Variants in PPARGC1A observed in about 807,000 individuals in gnomAD.
The protein encoded by PPARGC1A is PPARG coactivator 1 alpha.
Under a neutral mutation model 88.7 loss-of-function variants are expected in PPARGC1A, and 25 were observed. The ratio of observed to expected loss-of-function variants is 0.28; its 90% CI spans 0.21 to 0.39. PPARGC1A has a LOEUF of 0.39. PPARGC1A is among the 10% of genes least tolerant of loss of function. The pLI is 1.00. For missense variants in PPARGC1A, 880 were observed against 968.7 expected (o/e 0.91, Z 1.22); for synonymous variants, 363 against 355.6 (o/e 1.02, Z -0.24).
chr4:23,872,225 C>G (rs934644303), intron 2 of PPARGC1A, among the ~76,000 whole-genome samples: 1 of 152,202 alleles, frequency 6.6e-6, no homozygotes, highest in African/African-American at 2.4e-5. Context: ...ACCAAGGGCA[C>G]AGCACTCTGG....
chr4:23,852,261 G>T (rs1577513092), intron 2 of PPARGC1A, among the ~76,000 whole-genome samples: 1 of 152,162 alleles, frequency 6.6e-6, no homozygotes, highest in South Asian at 2.1e-4. Flanking sequence ...GCCTACAAAA[G>T]GTTTTTAAAC....
chr4:23,904,863 T>C (rs1719851804), upstream of PPARGC1A, among the ~76,000 whole-genome samples: 1 of 152,192 alleles, frequency 6.6e-6, no homozygotes, highest in East Asian at 1.9e-4. Flanking sequence ...CAGCTTCTAT[T>C]TCCCTTTCTG....
chr4:24,379,360 C>T, the PPARGC1A span, among the ~76,000 whole-genome samples: 12 of 151,914 alleles, frequency 7.9e-5, no homozygotes, highest in African/African-American at 2.7e-4. Context: ...TAAGTTCTAA[C>T]GTTGGATAGC....
intron 7 of PPARGC1A, 149 bp downstream of exon 7, chr4:23,824,131 C>G (rs888664641): frequency 1.5e-6 from 1 of 651,208 alleles, no homozygotes; most frequent in Middle Eastern, 3.9e-4. Context: ...AAATAAACAA[C>G]TGGAAATATT....
At chr4:23,907,639 G>A (rs766895532), upstream of PPARGC1A, among the ~76,000 whole-genome samples, 1 of 152,112 alleles carries the variant, frequency 6.6e-6, no homozygotes, top group Non-Finnish European at 1.5e-5. Context: ...CTAAACATGG[G>A]AATTCAAGAG....
At chr4:24,079,259 G>T in the PPARGC1A span, among the ~76,000 whole-genome samples, 1 of 152,014 alleles carries the variant, frequency 6.6e-6, no homozygotes, top group Non-Finnish European at 1.5e-5. Flanking sequence ...CCTCAAAGAA[G>T]AGTCAGTAGT....
chr4:23,820,749 C>A lies in PPARGC1A; in HGVS notation c.877+3531G>T, dbSNP rs376524552. The A allele has an allele frequency of 1.2e-4, 26 of 223,326 alleles. 1 individual carries two copies. In the South Asian group the frequency reaches 1.3e-3, roughly 11 times the overall value. The allele number at this position is 223,326 out of a possible 1,614,324, so 13.8% of individuals were successfully genotyped here. A position where few individuals can be genotyped will look rare whatever the true frequency, so the allele number is the denominator to read the frequency against. On this transcript the variant is annotated intron_variant, in intron 7 of 12. Coordinates refer to ENST00000264867, the MANE Select transcript of PPARGC1A (RefSeq NM_013261.5). ...ATAAAGCAAACTTCCTATCTCATCC[C>A]TCCTGTTTCTCAAAGACACTGCAGA...
the PPARGC1A span, among the ~76,000 whole-genome samples, chr4:24,320,577 A>G: frequency 6.6e-6 from 1 of 152,248 alleles, no homozygotes; most frequent in Non-Finnish European, 1.5e-5. Context: ...ACTTGAAAAT[A>G]CAGTATTTTA....
At chr4:23,909,631 C>G in the PPARGC1A span, among the ~76,000 whole-genome samples, 2 of 151,936 alleles carry the variant, frequency 1.3e-5, no homozygotes, top group Admixed American at 6.5e-5. Context: ...GAGGGAGAGA[C>G]AGCATTCCCT....
the PPARGC1A span, among the ~76,000 whole-genome samples, chr4:24,131,978 A>G: frequency 6.6e-6 from 1 of 152,234 alleles, no homozygotes; most frequent in Non-Finnish European, 1.5e-5. Context: ...ATGAACCCAT[A>G]TTTATGTTAA....
chr4:24,181,673 T>C, the PPARGC1A span, among the ~76,000 whole-genome samples: 2 of 152,106 alleles, frequency 1.3e-5, no homozygotes, highest in Non-Finnish European at 2.9e-5. Context: ...CCTCATACAG[T>C]AGATGTCAGA....
At chr4:23,906,671 A>C (rs1268334741), upstream of PPARGC1A, among the ~76,000 whole-genome samples, 1 of 152,088 alleles carries the variant, frequency 6.6e-6, no homozygotes, top group African/African-American at 2.4e-5. Flanking sequence ...TGAAGTACAT[A>C]CAGTATGTTT....
At chr4:24,295,693 ATACAT>A in the PPARGC1A span, among the ~76,000 whole-genome samples, 142 of 150,110 alleles carry the variant, frequency 9.5e-4, no homozygotes, top group Non-Finnish European at 1.9e-3. Flanking sequence ...ATATGAGTAT[ATACAT>A]TACATTATAT....
chr4:24,132,882 C>T, the PPARGC1A span, among the ~76,000 whole-genome samples: 10 of 152,042 alleles, frequency 6.6e-5, no homozygotes, highest in Non-Finnish European at 1.2e-4. Context: ...ATAGCTAATA[C>T]ACATGCATAC....
the PPARGC1A span, among the ~76,000 whole-genome samples, chr4:24,333,940 CAAAAAAAA>C: frequency 3.6e-4 from 5 of 13,830 alleles, no homozygotes; most frequent in African/African-American, 9.6e-4. Flanking sequence ...ACAACAACAA[CAAAAAAAA>C]AAAAAAAAAA....
chr4:23,993,308 C>G, the PPARGC1A span, among the ~76,000 whole-genome samples: 2 of 151,860 alleles, frequency 1.3e-5, no homozygotes, highest in Non-Finnish European at 2.9e-5. Context: ...AATGACGGAA[C>G]AGAAAAGTAG....
chr4:23,824,762 A>G (rs567241369), intron 5 of PPARGC1A, among the ~76,000 whole-genome samples: 2 of 152,274 alleles, frequency 1.3e-5, no homozygotes, highest in South Asian at 2.1e-4. Flanking sequence ...CCTCCCTGTT[A>G]CAGATACAAA....
chr4:24,059,890 G>A, the PPARGC1A span, among the ~76,000 whole-genome samples: 1 of 152,154 alleles, frequency 6.6e-6, no homozygotes, highest in Non-Finnish European at 1.5e-5. Context: ...CAAAGCCACA[G>A]CAATCCCAGT....
At chr4:24,089,461 G>A in the PPARGC1A span, among the ~76,000 whole-genome samples, 1 of 151,170 alleles carries the variant, frequency 6.6e-6, no homozygotes, top group Admixed American at 6.6e-5. Context: ...AACCAAATCA[G>A]AGACTAGACT....
Sources: gnomAD v4.1 joint callset for allele counts (sites outside exome capture counted in the v4.1 genomes callset) on GRCh38, gnomAD v4.1.1 for gene constraint, MANE v1.5 for transcripts, NCBI Gene and HGNC (gene_info 2026-07-23, HGNC 2026-07-21) for gene names.